Variants in BDNF observed in about 807,000 individuals in gnomAD.
The protein encoded by BDNF is brain derived neurotrophic factor, also known as neurotrophic factor BDNF precursor form.
BDNF carries 1 observed loss-of-function variant against 19.5 expected under a neutral mutation model. The observed-to-expected ratio is 0.05, with a 90% CI of 0.02 to 0.24. BDNF has a LOEUF of 0.24. Among genes scored for constraint, BDNF ranks in the 10% least tolerant of loss-of-function variants. BDNF has a pLI of 1.00. For missense variants in BDNF, 195 were observed against 317.6 expected (o/e 0.61, Z 2.93); for synonymous variants, 100 against 121.6 (o/e 0.82, Z 1.17).
At chr11:27,661,325 C>T (rs1048244531) in intron 1 of BDNF, among the ~76,000 whole-genome samples, 2 of 152,222 alleles carry the variant, frequency 1.3e-5, no homozygotes, top group African/African-American at 4.8e-5. Flanking sequence ...CCTTTTCTAA[C>T]AATGGTTCCC....
In BDNF at chr11:27,700,106, ACT is replaced by A. The variant is rs959095232; in HGVS notation, c.-22+56_-22+57del. On this transcript the variant is annotated intron_variant, in intron 1 of 1. Coordinates refer to ENST00000356660, the MANE Select transcript of BDNF (RefSeq NM_001709.5). ...TTTGGGGTGGGGGATCCCCCAGTCA[ACT>A]CTCTCCCGCGGACGGGCAGCTCCTG... is the stretch of plus-strand genomic sequence containing the variant. The A allele has an allele frequency of 2.8e-5, 28 of 985,206 alleles. No homozygotes were observed. In the African/African-American group the frequency reaches 4.7e-4, roughly 17 times the overall value. 61.0% of individuals were successfully genotyped at this position (985,206 alleles called of 1,614,324 possible). A position where few individuals can be genotyped will look rare whatever the true frequency, so the allele number is the denominator to read the frequency against.
chr11:27,721,323 G>C (rs1489220101), intron 1 of BDNF: 20 of 1,454,458 alleles, frequency 1.4e-5, no homozygotes, highest in African/African-American at 4.2e-5. Flanking sequence ...TCTTTGGCGT[G>C]TGAAGTGCTA....
chr11:27,657,124 C>G lies in BDNF; in HGVS notation c.*697G>C. The G allele has an allele frequency of 1.0e-6, 1 of 984,456 alleles. No homozygotes were observed. The highest frequency in any genetic ancestry group is 1.2e-6 in the Non-Finnish European group (1 of 828,786). 61.0% of individuals were successfully genotyped at this position (984,456 alleles called of 1,614,324 possible). ...TAATTTTTATTCACTTTCTAGTCATCTGATCGATATTGCAAACATCTTCAC... is the reference window on the plus strand; with the variant it reads ...TAATTTTTATTCACTTTCTAGTCATGTGATCGATATTGCAAACATCTTCAC... On this transcript the variant is annotated 3_prime_UTR_variant, in exon 2 of 2. Coordinates refer to ENST00000356660, the MANE Select transcript of BDNF (RefSeq NM_001709.5). The surrounding 1 kb of genome is among the most constrained non-coding windows in gnomAD (Gnocchi z 5.0).
intron 1 of BDNF, among the ~76,000 whole-genome samples, chr11:27,662,728 G>A (rs1213115779): frequency 2.6e-5 from 4 of 152,188 alleles, no homozygotes; most frequent in Admixed American, 2.0e-4. Flanking sequence ...ATCTAATGCT[G>A]CTGCTGATCT....
At chr11:27,660,247 A>G in intron 1 of BDNF, 1 of 1,245,468 alleles carries the variant, frequency 8.0e-7, no homozygotes, top group Non-Finnish European at 1.0e-6. Flanking sequence ...AACATTTTCA[A>G]CCACTAAGAG....
At chr11:27,663,627 G>A (rs187831848) in intron 1 of BDNF, among the ~76,000 whole-genome samples, 93 of 152,296 alleles carry the variant, frequency 6.1e-4, no homozygotes, top group Admixed American at 1.8e-3. Context: ...GCAATTATGC[G>A]TCAGAGAGGT....
upstream of BDNF, among the ~76,000 whole-genome samples, chr11:27,702,789 C>T (rs1159482152): frequency 1.3e-5 from 2 of 152,102 alleles, no homozygotes; most frequent in Non-Finnish European, 2.9e-5. Context: ...AAGAAGAATC[C>T]GATCCTCTGC....
chr11:27,661,737 C>T (rs1853475148), intron 1 of BDNF, among the ~76,000 whole-genome samples: 1 of 152,208 alleles, frequency 6.6e-6, no homozygotes, highest in South Asian at 2.1e-4. Context: ...CTTTCTCAAA[C>T]TACTCAATGC....
chr11:27,659,349 G>A (rs1326405040), intron 1 of BDNF: 2 of 1,000,182 alleles, frequency 2.0e-6, no homozygotes, highest in Non-Finnish European at 2.4e-6. Context: ...AACTGAAAAT[G>A]TTTTGCTTAT....
intron 1 of BDNF, chr11:27,673,928 T>A: frequency 3.8e-6 from 4 of 1,066,406 alleles, no homozygotes; most frequent in Non-Finnish European, 5.2e-6. Context: ...TGAAAACAGG[T>A]GATGGAAGAA....
chr11:27,711,271 T>C (rs1590491738), intron 1 of BDNF, among the ~76,000 whole-genome samples: 1 of 152,344 alleles, frequency 6.6e-6, no homozygotes, highest in Middle Eastern at 3.4e-3. Context: ...ATGCTCACCA[T>C]AGTGAGCTCA....
In BDNF at chr11:27,711,336, T is replaced by C. The variant is rs1471774834; in HGVS notation, c.3+10076A>G. On this transcript the variant is annotated intron_variant, in intron 1 of 1. Transcript: ENST00000314915. ...TGATCCTAACAAAACATTGTAATAC[T>C]GTTTCCATTTTATGATTATGAAAAC... Among the ~76,000 whole-genome samples, 3 of 152,234 alleles carry C rather than the reference T, an allele frequency of 2.0e-5. No homozygotes were observed. In the East Asian group the frequency reaches 5.8e-4, roughly 29 times the overall value.
intron 1 of BDNF, among the ~76,000 whole-genome samples, chr11:27,666,124 T>C (rs1201363164): frequency 6.6e-6 from 1 of 150,900 alleles, no homozygotes; most frequent in Non-Finnish European, 1.5e-5. Context: ...TTTGCTGTTC[T>C]GCAGCCTCTG....
chr11:27,693,642 C>G (rs1032137953), intron 1 of BDNF, among the ~76,000 whole-genome samples: 1 of 152,182 alleles, frequency 6.6e-6, no homozygotes, highest in Admixed American at 6.5e-5. Context: ...CCAAGCATCT[C>G]TCTCCAGCAA....
intron 1 of BDNF, among the ~76,000 whole-genome samples, chr11:27,697,160 C>CAGAGAGAGAGAGAGAG (rs1362364179): frequency 4.6e-4 from 54 of 117,922 alleles, no homozygotes; most frequent in Admixed American, 3.1e-3. Context: ...CACACACACA[C>CAGAGAGAGAGAGAGAG]ACACAGAGAG....
intron 1 of BDNF, among the ~76,000 whole-genome samples, chr11:27,716,471 AC>A (rs1478330298): frequency 5.3e-5 from 8 of 151,334 alleles, no homozygotes; most frequent in Non-Finnish European, 2.9e-5. Context: ...ACACACACAC[AC>A]ACACACACAC....
upstream of BDNF, chr11:27,701,456 G>C (rs1859891473): frequency 1.0e-6 from 1 of 996,290 alleles, no homozygotes; most frequent in African/African-American, 1.7e-5. Flanking sequence ...TACTCCTTCT[G>C]TTCTGCAGCA....
intron 1 of BDNF, chr11:27,659,508 T>C: frequency 1.0e-6 from 1 of 1,000,346 alleles, no homozygotes; most frequent in Non-Finnish European, 1.2e-6. Flanking sequence ...ATGCCTCCCA[T>C]ATGCAGACTC....
intron 1 of BDNF, among the ~76,000 whole-genome samples, chr11:27,690,312 A>G (rs1218574476): frequency 6.6e-6 from 1 of 152,140 alleles, no homozygotes; most frequent in Non-Finnish European, 1.5e-5. Context: ...CAGGATGGTC[A>G]TTTGCCTGTC....
Sources: allele counts gnomAD v4.1 joint callset (sites outside exome capture counted in the v4.1 genomes callset), GRCh38; gene constraint gnomAD v4.1.1; non-coding constraint Gnocchi (gnomAD v3.1); transcripts MANE v1.5; gene names NCBI Gene and HGNC (gene_info 2026-07-23, HGNC 2026-07-21).